Variants in NAPEPLD observed in about 807,000 individuals in gnomAD.
The protein encoded by NAPEPLD is N-acyl phosphatidylethanolamine phospholipase D, also known as N-acyl-phosphatidylethanolamine-hydrolyzing phospholipase D.
NAPEPLD carries 23 observed loss-of-function variants against 38.1 expected under a neutral mutation model. That is an observed-to-expected ratio of 0.60 (90% CI 0.43 to 0.86). The LOEUF is 0.86. NAPEPLD is among the 40% of genes least tolerant of loss of function. The probability of loss-of-function intolerance (pLI) is 0.00; values close to 1 mark genes in which losing one functional copy is unlikely to be tolerated. For missense variants in NAPEPLD, 411 were observed against 476.8 expected, an observed-to-expected ratio of 0.86 and a Z score of 1.28; for synonymous variants, 147 against 162.0, an observed-to-expected ratio of 0.91 and a Z score of 0.71.
chr7:103,120,053 T>C lies in NAPEPLD; in HGVS notation c.465A>G (p.Ser155=), dbSNP rs1806327677. The stretch of plus-strand genomic sequence containing the variant: ...GCTTTGGACCCATGTACTGCGATGG[T>C]GAAGCACGAGAGCTAAAGATGGGAT... ...LTDPIFSSRA[S]PSQYMGPKRF... Residue 155 remains serine (S), a synonymous_variant, in exon 3 of 5, where the codon TCA becomes TCG. Transcript: ENST00000465647. 4.3e-6 allele frequency: 7 copies of C among 1,614,172 alleles called. No individual in the cohort carries two copies. Among genetic ancestry groups the C allele is most frequent in the Non-Finnish European group, 4.2e-6 (5 of 1,180,042 alleles).
intron 3 of NAPEPLD, among the ~76,000 whole-genome samples, chr7:103,116,386 A>C (rs1303296017): frequency 3.3e-5 from 5 of 152,126 alleles, no homozygotes; most frequent in Admixed American, 3.3e-4. Context: ...TTATCAATTG[A>C]GACTGGGAAA....
intron 2 of NAPEPLD, among the ~76,000 whole-genome samples, chr7:103,121,247 A>G (rs767135393): frequency 1.2e-4 from 18 of 152,202 alleles, no homozygotes; most frequent in Non-Finnish European, 1.0e-4. Flanking sequence ...TCCCTTGGTT[A>G]TTCTACATTT....
intron 4 of NAPEPLD, among the ~76,000 whole-genome samples, chr7:103,108,494 C>T (rs1803869915): frequency 6.6e-6 from 1 of 152,140 alleles, no homozygotes; most frequent in African/African-American, 2.4e-5. Flanking sequence ...CCAAACTAAG[C>T]TTCAAAGCGA....
chr7:103,125,759 C>T (rs964239237), intron 2 of NAPEPLD, among the ~76,000 whole-genome samples: 2 of 151,918 alleles, frequency 1.3e-5, no homozygotes, highest in Non-Finnish European at 2.9e-5. Context: ...TGGTGGCAGG[C>T]GCCCATGGTC....
At chr7:103,115,698 T>C (rs1805427608) in intron 3 of NAPEPLD, among the ~76,000 whole-genome samples, 2 of 152,184 alleles carry the variant, frequency 1.3e-5, no homozygotes, top group African/African-American at 4.8e-5. Flanking sequence ...GCCAGCAATT[T>C]TTTTTAAACG....
At chr7:103,122,849 T>A (rs1563357387) in intron 2 of NAPEPLD, among the ~76,000 whole-genome samples, 1 of 152,182 alleles carries the variant, frequency 6.6e-6, no homozygotes, top group Non-Finnish European at 1.5e-5. Flanking sequence ...GTCAACTCAA[T>A]CCATGCACAA....
intron 4 of NAPEPLD, among the ~76,000 whole-genome samples, chr7:103,111,764 T>C (rs1426625855): frequency 6.6e-6 from 1 of 152,172 alleles, no homozygotes; most frequent in Non-Finnish European, 1.5e-5. Context: ...CAATGGGATC[T>C]AATTAAACTA....
intron 1 of NAPEPLD, among the ~76,000 whole-genome samples, chr7:103,145,954 T>C (rs188308918): frequency 4.0e-5 from 6 of 151,288 alleles, no homozygotes; most frequent in African/African-American, 2.4e-5. Flanking sequence ...TACCATAAAA[T>C]AGCACAACAT....
At chr7:103,146,588 G>T (rs945673086) in intron 1 of NAPEPLD, among the ~76,000 whole-genome samples, 1 of 152,166 alleles carries the variant, frequency 6.6e-6, no homozygotes, top group Non-Finnish European at 1.5e-5. Context: ...CACAAACTGA[G>T]TTGTTTTTCA....
At chr7:103,127,052 A>T (rs1431343204) in intron 2 of NAPEPLD, 4 of 152,210 alleles carry the variant, frequency 2.6e-5, no homozygotes, top group Non-Finnish European at 5.9e-5. Context: ...CATATAGGGA[A>T]GGACATTTTC....
chr7:103,146,696 G>A (rs1240061469), intron 1 of NAPEPLD, among the ~76,000 whole-genome samples: 1 of 152,094 alleles, frequency 6.6e-6, no homozygotes, highest in Non-Finnish European at 1.5e-5. Flanking sequence ...CACAGGCAGG[G>A]GTGCAATCTG....
At chr7:103,147,672 T>A (rs866477091) in intron 1 of NAPEPLD, among the ~76,000 whole-genome samples, 1 of 152,244 alleles carries the variant, frequency 6.6e-6, no homozygotes, top group Non-Finnish European at 1.5e-5. Flanking sequence ...GGAATGCTTA[T>A]GCTAAAATGT....
intron 4 of NAPEPLD, among the ~76,000 whole-genome samples, chr7:103,113,858 G>A (rs569396437): frequency 4.0e-5 from 6 of 151,590 alleles, no homozygotes; most frequent in East Asian, 3.9e-4. Context: ...CTGACCTCAG[G>A]TGATCCACCC....
At chr7:103,114,945 A>G in intron 4 of NAPEPLD, 115 bp downstream of exon 4, 1 of 697,774 alleles carries the variant, frequency 1.4e-6, no homozygotes, top group Non-Finnish European at 2.5e-6. Flanking sequence ...AGTGACTGTG[A>G]TGACTGTGCA....
chr7:103,111,566 GC>G (rs1370972336), intron 4 of NAPEPLD, among the ~76,000 whole-genome samples: 2 of 152,154 alleles, frequency 1.3e-5, no homozygotes, highest in Non-Finnish European at 2.9e-5. Flanking sequence ...TAAGCAGAAA[GC>G]TGCAACTGGA....
chr7:103,107,957 C>T (rs1005177319), intron 4 of NAPEPLD, among the ~76,000 whole-genome samples: 2 of 151,994 alleles, frequency 1.3e-5, no homozygotes, highest in Non-Finnish European at 2.9e-5. Flanking sequence ...TCAGATTCAT[C>T]AAGGGTGAAA....
upstream of NAPEPLD, chr7:103,149,701 A>G (rs368275952): frequency 3.9e-6 from 1 of 254,536 alleles, no homozygotes. Context: ...GGACCCTCCT[A>G]AGATCAAATT....
intron 2 of NAPEPLD, among the ~76,000 whole-genome samples, chr7:103,126,580 G>A (rs1237110871): frequency 1.4e-5 from 2 of 144,760 alleles, no homozygotes; most frequent in East Asian, 4.2e-4. Context: ...CCTCCCAGGG[G>A]CCACCTCCTC....
intron 1 of NAPEPLD, among the ~76,000 whole-genome samples, chr7:103,142,430 A>AC (rs1306769043): frequency 6.6e-6 from 1 of 151,932 alleles, no homozygotes; most frequent in Non-Finnish European, 1.5e-5. Flanking sequence ...ACATGGTGAA[A>AC]CCCCATCTCT....
Sources: allele counts gnomAD v4.1 joint callset (sites outside exome capture counted in the v4.1 genomes callset), GRCh38; gene constraint gnomAD v4.1.1; transcripts MANE v1.5; gene names NCBI Gene and HGNC (gene_info 2026-07-23, HGNC 2026-07-21).